Variants in KAZN observed in about 807,000 individuals in gnomAD.
KAZN encodes the protein kazrin.
A neutral mutation model predicts 87.4 loss-of-function variants in KAZN; 40 were observed. The observed-to-expected ratio is 0.46, with a 90% confidence interval of 0.36 to 0.60. The LOEUF is 0.60. KAZN is among the 20% of genes least tolerant of loss of function. The probability of loss-of-function intolerance (pLI) is 0.00; values close to 1 mark genes in which losing one functional copy is unlikely to be tolerated. For synonymous variants in KAZN, 466 were observed against 458.3 expected, an observed-to-expected ratio of 1.02 and a Z score of -0.22; for missense variants, 898 against 1,073.9, an observed-to-expected ratio of 0.84 and a Z score of 2.29.
intron 2 of KAZN, among the ~76,000 whole-genome samples, chr1:14,396,665 G>T (rs971830659): frequency 6.6e-6 from 1 of 152,160 alleles, no homozygotes; most frequent in Non-Finnish European, 1.5e-5. Context: ...AAATTGAGAA[G>T]CAGGCCAGTG....
chr1:14,894,508 C>T (rs1655052338), intron 1 of KAZN, among the ~76,000 whole-genome samples: 1 of 152,232 alleles, frequency 6.6e-6, no homozygotes. Flanking sequence ...TGCCTCATGG[C>T]ACGTGACACT....
intron 1 of KAZN, among the ~76,000 whole-genome samples, chr1:14,802,622 G>A (rs1646074766): frequency 6.6e-6 from 1 of 152,178 alleles, no homozygotes. Flanking sequence ...TCGGGGCTGG[G>A]AAACCTGCTC....
intron 1 of KAZN, among the ~76,000 whole-genome samples, chr1:14,869,466 G>A (rs909086412): frequency 6.6e-6 from 1 of 152,046 alleles, no homozygotes; most frequent in Non-Finnish European, 1.5e-5. Flanking sequence ...GTGTGGCTGG[G>A]GCTTTATAAT....
At position 15,066,344 on chromosome 1, in the gene KAZN, C is replaced by T; in HGVS notation, c.1222+591C>T. On this transcript the variant is annotated intron_variant, in intron 8 of 14. Coordinates refer to ENST00000376030, the MANE Select transcript of KAZN (RefSeq NM_201628.3). This position sits in a 1 kb window ranked among gnomAD's most constrained non-coding sequence, Gnocchi z 4.3. ...GTTTTTGATGTCCCCCCTCCCGCCC[C>T]CCTGGTGTGAACGTGTGGGACCAGA... The T allele has an allele frequency of 1.0e-6, 1 of 984,484 alleles. No individual in the cohort carries two copies. Among genetic ancestry groups the T allele is most frequent in the Non-Finnish European group, 1.2e-6 (1 of 829,386 alleles). The allele number at this position is 984,484 out of a possible 1,614,324, so 61.0% of individuals were successfully genotyped here. A position where few individuals can be genotyped will look rare whatever the true frequency, so the allele number is the denominator to read the frequency against.
chr1:14,316,033 C>T (rs986274996), intron 2 of KAZN, among the ~76,000 whole-genome samples: 7 of 152,116 alleles, frequency 4.6e-5, no homozygotes, highest in African/African-American at 1.2e-4. Context: ...TTAACTTTCC[C>T]GTAGCTCCGC....
At chr1:14,848,675 C>T (rs528669983) in intron 1 of KAZN, among the ~76,000 whole-genome samples, 121 of 152,256 alleles carry the variant, frequency 7.9e-4, no homozygotes, top group Non-Finnish European at 1.5e-3. Context: ...TCAGTAAGAC[C>T]GACAGTTCCA....
intron 1 of KAZN, among the ~76,000 whole-genome samples, chr1:14,910,939 C>G (rs1657178652): frequency 6.6e-6 from 1 of 152,184 alleles, no homozygotes. Context: ...CAAATGTGGG[C>G]TACTGGCTGC....
At chr1:14,084,657 A>G (rs1379109481) in intron 1 of KAZN, among the ~76,000 whole-genome samples, 2 of 149,218 alleles carry the variant, frequency 1.3e-5, no homozygotes, top group Non-Finnish European at 3.0e-5. Context: ...AAAAAAAGTA[A>G]AACCTAATTG....
intron 13 of KAZN, among the ~76,000 whole-genome samples, chr1:15,109,204 G>C (rs988749396): frequency 1.1e-4 from 17 of 152,192 alleles, no homozygotes; most frequent in African/African-American, 3.9e-4. Context: ...GGGCAACATG[G>C]CAAAACCCGG....
intron 2 of KAZN, among the ~76,000 whole-genome samples, chr1:14,398,531 G>T (rs575339415): frequency 6.6e-6 from 1 of 152,158 alleles, no homozygotes; most frequent in African/African-American, 2.4e-5. Flanking sequence ...GAGACTTGGC[G>T]AGAGCAGGCT....
intron 1 of KAZN, among the ~76,000 whole-genome samples, chr1:14,148,787 G>A (rs921099365): frequency 6.6e-6 from 1 of 152,134 alleles, no homozygotes; most frequent in South Asian, 2.1e-4. Context: ...CATTATGCTT[G>A]ACTCCCCCAA....
At chr1:14,460,033 C>A (rs1385103212) in intron 2 of KAZN, among the ~76,000 whole-genome samples, 1 of 152,188 alleles carries the variant, frequency 6.6e-6, no homozygotes, top group Non-Finnish European at 1.5e-5. Flanking sequence ...CCCTTACCCA[C>A]CAGCTCCAAT....
At chr1:15,036,148 G>A (rs1209301311) in intron 3 of KAZN, among the ~76,000 whole-genome samples, 2 of 151,992 alleles carry the variant, frequency 1.3e-5, no homozygotes, top group African/African-American at 2.4e-5. Context: ...GCCCCTGATG[G>A]GGATCTGGGA....
intron 1 of KAZN, among the ~76,000 whole-genome samples, chr1:14,867,846 G>C (rs1651661089): frequency 1.4e-5 from 2 of 143,228 alleles, no homozygotes; most frequent in South Asian, 4.6e-4. Flanking sequence ...GGCTGAGCCA[G>C]TGATGTATAT....
chr1:14,141,044 C>T (rs1419389512), intron 1 of KAZN, among the ~76,000 whole-genome samples: 5 of 152,012 alleles, frequency 3.3e-5, no homozygotes, highest in African/African-American at 4.8e-5. Context: ...AGGAACCATG[C>T]CAAGAATCTG....
At chr1:14,190,133 CCATTAAAAGTA>C (rs1278678768) in intron 2 of KAZN, among the ~76,000 whole-genome samples, 2 of 152,102 alleles carry the variant, frequency 1.3e-5, no homozygotes, top group Non-Finnish European at 2.9e-5. Context: ...ACACGATGAG[CCATTAAAAGTA>C]CATCAATTCA....
intron 2 of KAZN, among the ~76,000 whole-genome samples, chr1:15,024,813 C>T (rs1039743865): frequency 1.3e-5 from 2 of 152,194 alleles, no homozygotes; most frequent in Non-Finnish European, 2.9e-5. Context: ...TCATTCCTGG[C>T]TGGGATGTGG....
chr1:14,998,487 C>T (rs184274472), intron 2 of KAZN, among the ~76,000 whole-genome samples: 4 of 152,262 alleles, frequency 2.6e-5, no homozygotes, highest in African/African-American at 9.6e-5. Context: ...CCTGAATTAA[C>T]TCATTCACCC....
chr1:15,067,591 TA>T, intron 8 of KAZN: 1 of 985,446 alleles, frequency 1.0e-6, no homozygotes, highest in Non-Finnish European at 1.2e-6. Context: ...TTTCAGCTCT[TA>T]AAAAGAAGCA....
Sources: gnomAD v4.1 joint callset for allele counts (sites outside exome capture counted in the v4.1 genomes callset) on GRCh38, gnomAD v4.1.1 for gene constraint, Gnocchi (gnomAD v3.1) non-coding constraint, MANE v1.5 for transcripts, NCBI Gene and HGNC (gene_info 2026-07-23, HGNC 2026-07-21) for gene names.